IQCK: variants seen among roughly 807,000 people sequenced by gnomAD.
IQCK encodes IQ motif containing K, also known as IQ domain-containing protein K.
IQCK carries 29 observed loss-of-function variants against 28.1 expected under a neutral mutation model. The observed-to-expected ratio is 1.03, with a 90% CI of 0.77 to 1.41. The LOEUF is 1.41. IQCK is among the 40% of genes most tolerant of loss of function. The probability of loss-of-function intolerance (pLI) is 0.00; values close to 1 mark genes in which losing one functional copy is unlikely to be tolerated. For synonymous variants in IQCK, 113 were observed against 115.1 expected (o/e 0.98, Z 0.12); for missense variants, 359 against 314.7 (o/e 1.14, Z -1.07).
At chr16:19,828,936 A>T (rs1457565121), downstream of IQCK, among the ~76,000 whole-genome samples, 2 of 143,908 alleles carry the variant, frequency 1.4e-5, no homozygotes, top group South Asian at 4.2e-4. Context: ...AATTAAATAT[A>T]TTTTAATTAT....
chr16:19,765,280 G>A (rs1440264764), intron 6 of IQCK, among the ~76,000 whole-genome samples: 1 of 149,618 alleles, frequency 6.7e-6, no homozygotes, highest in Admixed American at 6.7e-5. Context: ...GCTTATGCCT[G>A]TAATCCCAAT....
chr16:19,742,702 C>G (rs1391149832), intron 4 of IQCK, among the ~76,000 whole-genome samples: 1 of 152,202 alleles, frequency 6.6e-6, no homozygotes, highest in Non-Finnish European at 1.5e-5. Context: ...TTAAGTTGCT[C>G]AAAAATACTT....
chr16:19,728,630 T>C (rs1482119077), intron 1 of IQCK, among the ~76,000 whole-genome samples: 1 of 152,160 alleles, frequency 6.6e-6, no homozygotes, highest in Non-Finnish European at 1.5e-5. Context: ...TCAGAGAAGA[T>C]CACAGCTTTG....
rs62024972 is a variant in IQCK at position 19,747,935 on chromosome 16, C to T, written c.474+12485C>T. Among the ~76,000 whole-genome samples the T allele has an allele frequency of 3.3e-3, 496 of 152,264 alleles. 1 individual carries two copies. Among genetic ancestry groups the T allele is most frequent in the Non-Finnish European group, 5.8e-3 (392 of 68,034 alleles). On this transcript the variant is annotated intron_variant, in intron 4 of 7. Transcript: ENST00000564186. ...CCCTTTTTGCAACTTACCGTATACA[C>T]TGCGTTAGAAATAATATGGACCGGG...
intron 9 of IQCK, among the ~76,000 whole-genome samples, chr16:19,838,464 T>G (rs2056324072): frequency 6.6e-6 from 1 of 152,168 alleles, no homozygotes; most frequent in African/African-American, 2.4e-5. Flanking sequence ...CTCCTGTCAC[T>G]ACATTTGAAC....
At chr16:19,836,186 T>C (rs2056294460) in intron 9 of IQCK, among the ~76,000 whole-genome samples, 1 of 152,226 alleles carries the variant, frequency 6.6e-6, no homozygotes, top group Non-Finnish European at 1.5e-5. Context: ...AGGTGTCATT[T>C]TCATTTTCAT....
At chr16:19,780,535 C>T (rs2055465671) in intron 6 of IQCK, among the ~76,000 whole-genome samples, 1 of 152,160 alleles carries the variant, frequency 6.6e-6, no homozygotes, top group Admixed American at 6.5e-5. Context: ...CATCTTTCCC[C>T]AGCTCCAGCC....
chr16:19,817,545 C>T lies in IQCK; in HGVS notation c.691-9481C>T, dbSNP rs535803105. 3.3e-5 allele frequency among the ~76,000 whole-genome samples: 5 copies of T among 152,212 alleles called. No individual in the cohort carries two copies. In the South Asian group the frequency reaches 6.2e-4, roughly 19 times the overall value. On this transcript the variant is annotated intron_variant, in intron 7 of 7. Coordinates refer to ENST00000564186, the Ensembl canonical transcript of IQCK. ...TCTCTGGCCAGACAGAGCAAAATCA[C>T]GCTAAACTGGTCAGCAGAACCCTAT... is the stretch of plus-strand genomic sequence containing the variant.
At chr16:19,822,549 AG>A (rs2056089806) in intron 7 of IQCK, among the ~76,000 whole-genome samples, 1 of 152,190 alleles carries the variant, frequency 6.6e-6, no homozygotes, top group African/African-American at 2.4e-5. Flanking sequence ...GGAAGAATCC[AG>A]ACACAAAGGA....
Position 19,810,633 on chromosome 16 carries a change from C to T in IQCK, c.691-16393C>T, listed in dbSNP as rs151166135. Among the ~76,000 whole-genome samples, 1,468 of 151,766 alleles carry T rather than the reference C, an allele frequency of 9.7e-3. 21 individuals are homozygous for T. The highest frequency in any genetic ancestry group is 0.033 in the African/African-American group (1,380 of 41,410). On this transcript the variant is annotated intron_variant, in intron 7 of 7. Coordinates refer to ENST00000564186, the Ensembl canonical transcript of IQCK. ...TTTGAGACTAGCCTGGCCAACATGG[C>T]GAAACCCTCTACTAAAAATACAAAA... is the stretch of plus-strand genomic sequence containing the variant.
intron 4 of IQCK, among the ~76,000 whole-genome samples, chr16:19,744,111 C>T (rs949155859): frequency 3.3e-5 from 5 of 152,070 alleles, no homozygotes; most frequent in Admixed American, 6.6e-5. Context: ...CAGGCCTGTT[C>T]CCCAAAAGCT....
intron 6 of IQCK, among the ~76,000 whole-genome samples, chr16:19,770,771 C>T (rs909751605): frequency 2.6e-5 from 4 of 152,074 alleles, no homozygotes; most frequent in East Asian, 1.9e-4. Context: ...TACAGGCATG[C>T]GCCACCATGC....
At chr16:19,842,552 AATCCT>A (rs2056373625) in intron 9 of IQCK, among the ~76,000 whole-genome samples, 2 of 152,206 alleles carry the variant, frequency 1.3e-5, no homozygotes, top group African/African-American at 4.8e-5. Context: ...AAATCCATTA[AATCCT>A]TTTCAAAAAT....
At chr16:19,852,741 G>T (rs1734182828) in intron 9 of IQCK, among the ~76,000 whole-genome samples, 1 of 150,662 alleles carries the variant, frequency 6.6e-6, no homozygotes, top group African/African-American at 2.4e-5. Context: ...TCCTGCCTCA[G>T]CCTCCCGAGT....
chr16:19,732,326 G>T (rs1198729776), intron 2 of IQCK, among the ~76,000 whole-genome samples: 1 of 152,148 alleles, frequency 6.6e-6, no homozygotes, highest in Admixed American at 6.5e-5. Context: ...GTACTTGTGG[G>T]TTTGTTTTCT....
chr16:19,761,944 C>T (rs1437965350), intron 4 of IQCK: 1 of 153,340 alleles, frequency 6.5e-6, no homozygotes, highest in African/African-American at 2.4e-5. Context: ...GCTTCACCAT[C>T]CTTAGCATGT....
chr16:19,753,673 T>A (rs763137562), intron 4 of IQCK, among the ~76,000 whole-genome samples: 8 of 151,966 alleles, frequency 5.3e-5, no homozygotes, highest in Non-Finnish European at 7.4e-5. Context: ...TACAGAGGAT[T>A]TATTGGCTCA....
chr16:19,826,832 A>G (rs2056155817), intron 7 of IQCK, among the ~76,000 whole-genome samples, 194 bp from the exon 8 acceptor site: 2 of 152,210 alleles, frequency 1.3e-5, no homozygotes, highest in African/African-American at 4.8e-5. Context: ...TACTATAGCA[A>G]ATCTTCACAC....
At chr16:19,824,003 C>T (rs569482365) in intron 7 of IQCK, among the ~76,000 whole-genome samples, 75 of 152,120 alleles carry the variant, frequency 4.9e-4, no homozygotes, top group African/African-American at 1.8e-3. Flanking sequence ...TTTTTGGCAC[C>T]AGGGACCAGT....
Sources: gnomAD v4.1 joint callset for allele counts (sites outside exome capture counted in the v4.1 genomes callset) on GRCh38, gnomAD v4.1.1 for gene constraint, MANE v1.5 for transcripts, NCBI Gene and HGNC (gene_info 2026-07-23, HGNC 2026-07-21) for gene names.